ITFG1: variants seen among roughly 807,000 people sequenced by gnomAD.
ITFG1 encodes the protein T-cell immunomodulatory protein.
ITFG1 carries 34 observed loss-of-function variants against 81.8 expected under a neutral mutation model. That is an observed-to-expected ratio of 0.42 (90% CI 0.32 to 0.55). ITFG1 has a LOEUF of 0.55. ITFG1 is among the 20% of genes least tolerant of loss of function. ITFG1 has a pLI of 0.17. For missense variants in ITFG1, 672 were observed against 755.4 expected, an observed-to-expected ratio of 0.89 and a Z score of 1.29; for synonymous variants, 285 against 270.6, an observed-to-expected ratio of 1.05 and a Z score of -0.52.
chr16:47,433,571 C>G (rs1179304820), intron 5 of ITFG1, among the ~76,000 whole-genome samples: 1 of 151,920 alleles, frequency 6.6e-6, no homozygotes, highest in African/African-American at 2.4e-5. Context: ...CACTTAAGTT[C>G]TTCACAGTAT....
At chr16:47,298,864 A>T (rs1174899069) in intron 10 of ITFG1, among the ~76,000 whole-genome samples, 1 of 152,190 alleles carries the variant, frequency 6.6e-6, no homozygotes, top group African/African-American at 2.4e-5. Context: ...CATCTGTAGA[A>T]GCGCTTTCAG....
chr16:47,223,108 A>G (rs1463380743), intron 13 of ITFG1, among the ~76,000 whole-genome samples: 3 of 151,444 alleles, frequency 2.0e-5, no homozygotes, highest in Non-Finnish European at 4.4e-5. Context: ...AGACTTAAAC[A>G]TTAGACCTAA....
chr16:47,172,165 A>G (rs1197705197), intron 14 of ITFG1, among the ~76,000 whole-genome samples: 3 of 152,178 alleles, frequency 2.0e-5, no homozygotes, highest in East Asian at 1.9e-4. Flanking sequence ...TGTCTAACAC[A>G]TATTACCAAG....
chr16:47,324,843 A>G (rs1967507413), intron 8 of ITFG1, among the ~76,000 whole-genome samples: 1 of 152,202 alleles, frequency 6.6e-6, no homozygotes, highest in South Asian at 2.1e-4. Context: ...ACAAGTCCTT[A>G]GTGACCTACG....
intron 6 of ITFG1, among the ~76,000 whole-genome samples, chr16:47,379,847 G>A (rs999513938): frequency 6.6e-6 from 1 of 151,966 alleles, no homozygotes; most frequent in Non-Finnish European, 1.5e-5. Flanking sequence ...TATTCTGGTG[G>A]GAGGAAATAC....
intron 1 of ITFG1, among the ~76,000 whole-genome samples, chr16:47,459,608 G>T (rs1969497768): frequency 6.6e-6 from 1 of 152,184 alleles, no homozygotes; most frequent in South Asian, 2.1e-4. Context: ...TCCCATTGTA[G>T]ATATCTGACA....
At chr16:47,225,345 A>AT (rs1261271330) in intron 13 of ITFG1, among the ~76,000 whole-genome samples, 4 of 152,176 alleles carry the variant, frequency 2.6e-5, no homozygotes, top group African/African-American at 9.7e-5. Context: ...AGAAGAGAGG[A>AT]AAGAGGTAGA....
chr16:47,321,960 G>A (rs1275680744), intron 8 of ITFG1, among the ~76,000 whole-genome samples: 2 of 151,978 alleles, frequency 1.3e-5, no homozygotes, highest in Non-Finnish European at 2.9e-5. Flanking sequence ...TATGTGGAAG[G>A]GATAAACAAT....
intron 6 of ITFG1, among the ~76,000 whole-genome samples, chr16:47,382,594 C>T (rs1053015365): frequency 7.8e-6 from 1 of 129,004 alleles, no homozygotes; most frequent in Non-Finnish European, 1.6e-5. Flanking sequence ...CTAATGGTAA[C>T]AATGAACACA....
chr16:47,435,129 TAC>T (rs1264215211), intron 5 of ITFG1, among the ~76,000 whole-genome samples: 5 of 152,136 alleles, frequency 3.3e-5, no homozygotes, highest in Non-Finnish European at 7.4e-5. Flanking sequence ...ACCACCATGG[TAC>T]ACATTTACCT....
intron 10 of ITFG1, among the ~76,000 whole-genome samples, chr16:47,303,187 C>T (rs1036243008): frequency 1.5e-4 from 23 of 152,052 alleles, no homozygotes; most frequent in Middle Eastern, 3.4e-3. Flanking sequence ...AGGAGAATGG[C>T]GTGAACCCAG....
chr16:47,347,724 C>G (rs1967879201), intron 8 of ITFG1, among the ~76,000 whole-genome samples: 1 of 152,230 alleles, frequency 6.6e-6, no homozygotes, highest in Non-Finnish European at 1.5e-5. Context: ...AGTCTGAGAT[C>G]TGAGAACGGA....
chr16:47,447,607 T>G (rs1005291594), intron 5 of ITFG1, among the ~76,000 whole-genome samples: 1 of 152,192 alleles, frequency 6.6e-6, no homozygotes, highest in Non-Finnish European at 1.5e-5. Context: ...CTTGGCTCAC[T>G]GCAACCTCTG....
At chr16:47,181,315 G>T (rs557252572) in intron 14 of ITFG1, among the ~76,000 whole-genome samples, 3 of 150,238 alleles carry the variant, frequency 2.0e-5, no homozygotes, top group Non-Finnish European at 4.4e-5. Context: ...AGTGAGGAGC[G>T]TCTCCGCCTG....
intron 12 of ITFG1, among the ~76,000 whole-genome samples, chr16:47,251,934 GAA>G (rs1173268829): frequency 4.6e-5 from 7 of 152,206 alleles, no homozygotes; most frequent in African/African-American, 1.7e-4. Flanking sequence ...CACAGAAAGT[GAA>G]ACTGTGGATA....
intron 10 of ITFG1, among the ~76,000 whole-genome samples, chr16:47,306,598 A>C (rs1198351127): frequency 6.6e-6 from 1 of 152,160 alleles, no homozygotes; most frequent in African/African-American, 2.4e-5. Context: ...CACTTAATAG[A>C]AAACAAGAGT....
intron 8 of ITFG1, among the ~76,000 whole-genome samples, chr16:47,323,272 TG>T (rs942278475): frequency 6.6e-6 from 1 of 152,194 alleles, no homozygotes; most frequent in African/African-American, 2.4e-5. Flanking sequence ...TGGGTGATCA[TG>T]GCAAAGAACA....
intron 12 of ITFG1, among the ~76,000 whole-genome samples, chr16:47,238,620 A>G (rs1965900701): frequency 6.6e-6 from 1 of 152,174 alleles, no homozygotes; most frequent in Non-Finnish European, 1.5e-5. Flanking sequence ...ATAAAACCAT[A>G]TTTCTACCAC....
intron 14 of ITFG1, among the ~76,000 whole-genome samples, chr16:47,195,104 C>A (rs947985409): frequency 6.6e-6 from 1 of 152,070 alleles, no homozygotes; most frequent in African/African-American, 2.4e-5. Flanking sequence ...CTTGCTCCTA[C>A]TTATTTTATA....
Sources: gnomAD v4.1 joint callset for allele counts (sites outside exome capture counted in the v4.1 genomes callset) on GRCh38, gnomAD v4.1.1 for gene constraint, MANE v1.5 for transcripts, NCBI Gene and HGNC (gene_info 2026-07-23, HGNC 2026-07-21) for gene names.